POC1A: variants seen among roughly 807,000 people sequenced by gnomAD.
The protein encoded by POC1A is POC1 centriolar protein homolog A.
Under a neutral mutation model 47.8 loss-of-function variants are expected in POC1A, and 34 were observed. The ratio of observed to expected loss-of-function variants is 0.71; its 90% CI spans 0.54 to 0.95. The LOEUF is 0.95. POC1A is among the 40% of genes least tolerant of loss of function. The pLI is 0.00. For missense variants in POC1A, 466 were observed against 528.3 expected (o/e 0.88, Z 1.16); for synonymous variants, 177 against 207.6 (o/e 0.85, Z 1.27).
At chr3:52,078,839 C>T (rs374205503) in intron 10 of POC1A, among the ~76,000 whole-genome samples, 1 of 152,378 alleles carries the variant, frequency 6.6e-6, no homozygotes, top group East Asian at 1.9e-4. Flanking sequence ...TGCCTTCCCT[C>T]TACAAGGGGA....
chr3:52,102,858 T>G (rs1438457889), intron 9 of POC1A, among the ~76,000 whole-genome samples: 1 of 152,176 alleles, frequency 6.6e-6, no homozygotes, highest in African/African-American at 2.4e-5. Context: ...ATCAAGAAGT[T>G]GATTCTAAAA....
chr3:52,123,914 G>GGAA (rs2107099449), intron 8 of POC1A, among the ~76,000 whole-genome samples: 1 of 152,286 alleles, frequency 6.6e-6, no homozygotes, highest in South Asian at 2.1e-4. Flanking sequence ...TCACGCTCAG[G>GGAA]GAAGGCTCAG....
chr3:52,085,386 A>G (rs748305356), intron 10 of POC1A, among the ~76,000 whole-genome samples: 36 of 152,090 alleles, frequency 2.4e-4, no homozygotes, highest in Admixed American at 8.5e-4. Context: ...GACACCCTTC[A>G]CCCTCTGCCT....
chr3:52,146,075 C>T, intron 5 of POC1A, 114 bp from the exon 6 acceptor site: 1 of 639,860 alleles, frequency 1.6e-6, no homozygotes, highest in East Asian at 2.8e-5. Flanking sequence ...GTTCCCTTGA[C>T]CCAGACACCT....
At chr3:52,086,950 A>G (rs1702476019) in intron 10 of POC1A, among the ~76,000 whole-genome samples, 3 of 152,238 alleles carry the variant, frequency 2.0e-5, no homozygotes, top group Admixed American at 1.3e-4. Flanking sequence ...TGCTATGGAA[A>G]TGCAGGGAAC....
chr3:52,096,517 C>T (rs887258151), intron 10 of POC1A, 52 bp downstream of exon 10: 77 of 1,452,202 alleles, frequency 5.3e-5, no homozygotes, highest in Admixed American at 3.8e-4. Context: ...GGTCCAAATG[C>T]GGGACCAAGT....
intron 1 of POC1A, among the ~76,000 whole-genome samples, chr3:52,151,944 C>T (rs1698573130): frequency 2.0e-5 from 3 of 151,288 alleles, no homozygotes; most frequent in African/African-American, 7.3e-5. Context: ...ACAAAAAACA[C>T]AGATACTATA....
intron 10 of POC1A, among the ~76,000 whole-genome samples, chr3:52,081,480 G>A (rs1702279320): frequency 6.6e-6 from 1 of 152,202 alleles, no homozygotes; most frequent in South Asian, 2.1e-4. Context: ...CAGGCGCATA[G>A]ACAGTGGGCT....
rs1300926512 is a variant in POC1A at position 52,101,079 on chromosome 3, C to T, written c.982-4367G>A. 3.4e-5 allele frequency among the ~76,000 whole-genome samples: 5 copies of T among 147,708 alleles called. No homozygotes were observed. In the East Asian group the frequency reaches 9.8e-4, roughly 29 times the overall value. Reference sequence around the variant, plus strand: ...CTGGGTCAAGACAACAGGGCCCACCCCAACCCTCAGCAAAAAAAAAAAAAA... The same window carrying T: ...CTGGGTCAAGACAACAGGGCCCACCTCAACCCTCAGCAAAAAAAAAAAAAA... On this transcript the variant is annotated intron_variant, in intron 9 of 10. Transcript: ENST00000296484.
chr3:52,120,593 C>A (rs1365919622), intron 9 of POC1A, among the ~76,000 whole-genome samples: 1 of 152,214 alleles, frequency 6.6e-6, no homozygotes, highest in Non-Finnish European at 1.5e-5. Context: ...TTGCCTGGGG[C>A]CACACATCCA....
intron 6 of POC1A, among the ~76,000 whole-genome samples, chr3:52,139,289 CCT>C (rs1282206159): frequency 2.0e-5 from 3 of 152,184 alleles, no homozygotes; most frequent in Admixed American, 6.5e-5. Flanking sequence ...TCCTTTGCCC[CCT>C]GTGTTCCATG....
At chr3:52,112,995 C>T (rs1369113099) in intron 9 of POC1A, among the ~76,000 whole-genome samples, 3 of 152,188 alleles carry the variant, frequency 2.0e-5, no homozygotes, top group Non-Finnish European at 1.5e-5. Context: ...TGAGGCCCAG[C>T]AAGCTGTGTT....
chr3:52,084,790 G>A lies in POC1A; in HGVS notation c.1126-8805C>T, dbSNP rs531225456. Reference sequence around the variant, plus strand: ...GTGGTGGTACCTGGGGCCCTCCTTGGTGAGTGGTACTGGTTCTTATGGGAG... The same window carrying A: ...GTGGTGGTACCTGGGGCCCTCCTTGATGAGTGGTACTGGTTCTTATGGGAG... On this transcript the variant is annotated intron_variant, in intron 10 of 10. Transcript: ENST00000296484. The surrounding 1 kb of genome is among the most constrained non-coding windows in gnomAD (Gnocchi z 4.3). Among the ~76,000 whole-genome samples, 1 of 152,336 alleles carries A rather than the reference G, an allele frequency of 6.6e-6. No individual in the cohort carries two copies. Among genetic ancestry groups the A allele is most frequent in the East Asian group, 1.9e-4 (1 of 5,172 alleles).
chr3:52,125,206 A>G, intron 7 of POC1A, 25 bp from the exon 8 acceptor site: 1 of 1,580,506 alleles, frequency 6.3e-7, no homozygotes, highest in Non-Finnish European at 8.7e-7. Context: ...AAAAAATAAC[A>G]CACATCAAAG....
At chr3:52,149,627 C>A (rs1368548660) in intron 3 of POC1A, among the ~76,000 whole-genome samples, 189 bp downstream of exon 3, 1 of 152,154 alleles carries the variant, frequency 6.6e-6, no homozygotes, top group Non-Finnish European at 1.5e-5. Flanking sequence ...TTGGGTAAGC[C>A]CAGAACTCCT....
chr3:52,076,512 G>T (rs987760388), intron 10 of POC1A, among the ~76,000 whole-genome samples: 1 of 152,188 alleles, frequency 6.6e-6, no homozygotes, highest in Non-Finnish European at 1.5e-5. Context: ...CAAAGGCAGG[G>T]AGGTGAGTCC....
At chr3:52,106,768 C>T (rs981388813) in intron 9 of POC1A, among the ~76,000 whole-genome samples, 1 of 152,220 alleles carries the variant, frequency 6.6e-6, no homozygotes, top group African/African-American at 2.4e-5. Flanking sequence ...CAAACCAAGA[C>T]TCTGTTCTCC....
At chr3:52,145,593 C>T (rs1285653367) in intron 6 of POC1A, among the ~76,000 whole-genome samples, 1 of 152,202 alleles carries the variant, frequency 6.6e-6, no homozygotes, top group African/African-American at 2.4e-5. Context: ...GTGTGAGATT[C>T]TGCCACTTCG....
At chr3:52,086,893 A>G (rs1332872929) in intron 10 of POC1A, among the ~76,000 whole-genome samples, 1 of 152,246 alleles carries the variant, frequency 6.6e-6, no homozygotes, top group East Asian at 1.9e-4. Context: ...CACCTGGTAC[A>G]CAGCAGGTGC....
Sources: allele counts gnomAD v4.1 joint callset (sites outside exome capture counted in the v4.1 genomes callset), GRCh38; gene constraint gnomAD v4.1.1; non-coding constraint Gnocchi (gnomAD v3.1); transcripts MANE v1.5; gene names NCBI Gene and HGNC (gene_info 2026-07-23, HGNC 2026-07-21).